Variants in CRYBG3 observed in about 807,000 individuals in gnomAD.
CRYBG3 encodes the protein very large A-kinase anchor protein.
A neutral mutation model predicts 244.2 loss-of-function variants in CRYBG3; 127 were observed. The ratio of observed to expected loss-of-function variants is 0.52; its 90% CI spans 0.45 to 0.60. The LOEUF (loss-of-function observed/expected upper bound fraction) is 0.60, where lower values mean the gene tolerates loss of function less well. CRYBG3 is among the 20% of genes least tolerant of loss of function. The probability of loss-of-function intolerance (pLI) is 0.00; values close to 1 mark genes in which losing one functional copy is unlikely to be tolerated. For missense variants in CRYBG3, 3,325 were observed against 3,442.5 expected (o/e 0.97, Z 0.85); for synonymous variants, 1,132 against 1,195.8 (o/e 0.95, Z 1.10).
chr3:97,873,456 C>T lies in CRYBG3; in HGVS notation c.2262C>T (p.His754=). 6.5e-7 allele frequency: 1 copy of T among 1,535,388 alleles called. No individual in the cohort carries two copies. The highest frequency in any genetic ancestry group is 8.7e-7 in the Non-Finnish European group (1 of 1,146,698). Residue 754 remains histidine, a synonymous_variant, in exon 4 of 22, where the codon CAC becomes CAT. Transcript: ENST00000389622. ...CAGGTTCTGAAGCCAGTGGCCCTCA[C>T]TTAACTGGGTTGGAGCTATTGAGCT... ...VLPGSEASGP[H]LTGLELLSFD...
intron 1 of CRYBG3, among the ~76,000 whole-genome samples, chr3:97,827,773 A>G (rs140888472): frequency 0.027 from 3,401 of 124,298 alleles, 72 homozygotes; most frequent in South Asian, 0.13. Flanking sequence ...CAAGAGGTTC[A>G]GTAGGTAATC....
intron 17 of CRYBG3, among the ~76,000 whole-genome samples, chr3:97,924,883 ATG>A (rs2040021904): frequency 1.3e-5 from 2 of 152,128 alleles, no homozygotes; most frequent in Admixed American, 1.3e-4. Context: ...AAGAATTAGG[ATG>A]TGAACATTTG....
intron 17 of CRYBG3, among the ~76,000 whole-genome samples, chr3:97,925,774 A>T (rs1261190482): frequency 1.3e-5 from 2 of 152,038 alleles, no homozygotes; most frequent in East Asian, 1.9e-4. Context: ...CAAATATAGT[A>T]AAATTAAAAT....
chr3:97,840,828 C>T (rs1257411698), intron 1 of CRYBG3: 1 of 152,042 alleles, frequency 6.6e-6, no homozygotes, highest in Non-Finnish European at 1.5e-5. Context: ...AGAGAATTCA[C>T]TTGTCAAGGT....
intron 17 of CRYBG3, among the ~76,000 whole-genome samples, chr3:97,921,501 C>A (rs1019887977): frequency 6.6e-5 from 10 of 152,118 alleles, no homozygotes; most frequent in Non-Finnish European, 1.5e-4. Context: ...GTATAAAGTT[C>A]ATTCTTCTAC....
Position 97,825,424 on chromosome 3 carries a change from G to A in CRYBG3, c.149+3069G>A, listed in dbSNP as rs150024736. 5.9e-5 allele frequency among the ~76,000 whole-genome samples: 9 copies of A among 152,302 alleles called. 1 individual carries two copies. Among genetic ancestry groups the A allele is most frequent in the African/African-American group, 2.2e-4 (9 of 41,566 alleles). Reference sequence around the variant, plus strand: ...ACAGTATTTATCAAGGGCTGACTGTGCACTTACTTCTGGGCTGGGTACTTT... The same window carrying A: ...ACAGTATTTATCAAGGGCTGACTGTACACTTACTTCTGGGCTGGGTACTTT... On this transcript the variant is annotated intron_variant, in intron 1 of 21. Coordinates refer to ENST00000389622, the MANE Select transcript of CRYBG3 (RefSeq NM_153605.4).
In CRYBG3 at chr3:97,877,894, A is replaced by G. The variant is rs1163041184; in HGVS notation, c.6700A>G (p.Lys2234Glu). 3.1e-6 allele frequency: 5 copies of G among 1,614,028 alleles called. No individual in the cohort carries two copies. The highest frequency in any genetic ancestry group is 1.3e-5 in the African/African-American group (1 of 74,930). The change falls in exon 4 of 22, where the codon AAG becomes GAG. Residue 2234 changes from lysine to glutamate, a missense_variant. Physicochemically the swap from Lys to Glu is moderately conservative, Grantham distance 56. This residue lies in a region of CRYBG3 where 450 missense variants were observed against 424.1 expected (regional missense o/e 1.06). Coordinates refer to ENST00000389622, the MANE Select transcript of CRYBG3 (RefSeq NM_153605.4). Reference sequence around the variant, plus strand: ...TACTTCTAAACTACATTCTTCTTTAAAGAGTGCTTATCATCAGTATCTGCA... The same window carrying G: ...TACTTCTAAACTACATTCTTCTTTAGAGAGTGCTTATCATCAGTATCTGCA... Reference protein sequence around the residue: ...DLTSKLHSSLKSAYHQYLQTS... With the variant: ...DLTSKLHSSLESAYHQYLQTS...
intron 19 of CRYBG3, among the ~76,000 whole-genome samples, chr3:97,940,147 T>C (rs1471649375): frequency 6.6e-6 from 1 of 152,040 alleles, no homozygotes; most frequent in Non-Finnish European, 1.5e-5. Flanking sequence ...TGTCATTTAT[T>C]ACATTAAGGC....
intron 17 of CRYBG3, among the ~76,000 whole-genome samples, chr3:97,918,313 A>G (rs1376241684): frequency 6.6e-6 from 1 of 152,180 alleles, no homozygotes; most frequent in Non-Finnish European, 1.5e-5. Flanking sequence ...GGTACAGGTG[A>G]AGGTTACATT....
intron 16 of CRYBG3, among the ~76,000 whole-genome samples, chr3:97,913,886 A>T (rs142305859): frequency 2.2e-4 from 33 of 152,326 alleles, no homozygotes; most frequent in South Asian, 1.7e-3. Context: ...ATTAGCTGGT[A>T]GTGAGTAGAT....
Position 97,877,702 on chromosome 3 carries a change from C to T in CRYBG3, c.6508C>T (p.Arg2170Cys), listed in dbSNP as rs773750813. The change falls in exon 4 of 22, where the codon CGT becomes TGT. Residue 2170 changes from arginine to cysteine, a missense_variant. By Grantham distance (180) the Arg-to-Cys change is radical. Coordinates refer to ENST00000389622, the MANE Select transcript of CRYBG3 (RefSeq NM_153605.4). ...KGDLRAGSGE[R>C]VTFQLPDPSI... ...AGATCTGAGAGCTGGAAGTGGGGAG[C>T]GTGTTACCTTCCAGTTGCCAGATCC... is the stretch of plus-strand genomic sequence containing the variant. 11 of 1,613,782 alleles carry T rather than the reference C, an allele frequency of 6.8e-6. No homozygotes were observed. The highest frequency in any genetic ancestry group is 1.6e-4 in the Middle Eastern group (1 of 6,084).
intron 2 of CRYBG3, among the ~76,000 whole-genome samples, chr3:97,856,550 A>ATTAATT (rs1160569041): frequency 6.6e-6 from 1 of 152,216 alleles, no homozygotes; most frequent in Non-Finnish European, 1.5e-5. Context: ...TTATAAAAGT[A>ATTAATT]TTAATTTGGA....
chr3:97,873,929 C>T lies in CRYBG3; in HGVS notation c.2735C>T (p.Ser912Phe), dbSNP rs1212390691. 3 of 1,535,746 alleles carry T rather than the reference C, an allele frequency of 2.0e-6. No individual in the cohort carries two copies. The highest frequency in any genetic ancestry group is 2.6e-6 in the Non-Finnish European group (3 of 1,146,840). Residue 912 changes from serine (S) to phenylalanine (F), a missense_variant, in exon 4 of 22, where the codon TCT becomes TTT. Physicochemically the swap from Ser to Phe is radical, Grantham distance 155. This residue lies in a region of CRYBG3 where 1,526 missense variants were observed against 1,443.2 expected (regional missense o/e 1.06). Transcript: ENST00000389622. Reference sequence around the variant, plus strand: ...AAAGAGAATTGCCAAGCTGAGCTTTCTCCTGCTGCCTCCAAATATGAAGAT... The same window carrying T: ...AAAGAGAATTGCCAAGCTGAGCTTTTTCCTGCTGCCTCCAAATATGAAGAT... ...GLKENCQAEL[S>F]PAASKYEDKP...
chr3:97,944,540 A>G lies in CRYBG3; in HGVS notation c.*1226A>G, dbSNP rs539458392. 22 of 152,508 alleles carry G rather than the reference A, an allele frequency of 1.4e-4. No homozygotes were observed. The highest frequency in any genetic ancestry group is 5.3e-4 in the African/African-American group (22 of 41,538). 9.4% of individuals were successfully genotyped at this position (152,508 alleles called of 1,614,324 possible). On this transcript the variant is annotated 3_prime_UTR_variant, in exon 22 of 22. Transcript: ENST00000389622. ...AATGTAAAATAACAATGACTATTTTAAACTCGAAGACCCACTATTTTGAGT... is the reference window on the plus strand; with the variant it reads ...AATGTAAAATAACAATGACTATTTTGAACTCGAAGACCCACTATTTTGAGT...
At chr3:97,889,514 T>G (rs2039548996) in intron 10 of CRYBG3, 124 bp downstream of exon 10, 2 of 805,664 alleles carry the variant, frequency 2.5e-6, no homozygotes, top group Non-Finnish European at 4.1e-6. Context: ...TAATGGATTT[T>G]GGGGAGGTGG....
Position 97,877,234 on chromosome 3 carries a change from G to A in CRYBG3, c.6040G>A (p.Ala2014Thr). 1 of 1,613,896 alleles carries A rather than the reference G, an allele frequency of 6.2e-7. No individual in the cohort carries two copies. The highest frequency in any genetic ancestry group is 8.5e-7 in the Non-Finnish European group (1 of 1,179,818). Residue 2014 changes from alanine (A) to threonine (T), a missense_variant, in exon 4 of 22, where the codon GCT becomes ACT. Physicochemically the swap from Ala to Thr is moderately conservative, Grantham distance 58. Coordinates refer to ENST00000389622, the MANE Select transcript of CRYBG3 (RefSeq NM_153605.4). ...EEPLQEEDKYASAEARQTQSV... is the reference protein window; with the variant it reads ...EEPLQEEDKYTSAEARQTQSV... ...GCCCCTTCAAGAGGAGGACAAGTAT[G>A]CTTCCGCAGAAGCAAGACAAACACA...
intron 17 of CRYBG3, chr3:97,924,172 A>C (rs987434920): frequency 3.2e-6 from 1 of 317,368 alleles, no homozygotes; most frequent in Non-Finnish European, 6.0e-6. Flanking sequence ...CAGCATTCCA[A>C]TGGAGCTATG....
chr3:97,880,962 G>C (rs983012653), intron 6 of CRYBG3, 110 bp from the exon 7 acceptor site: 8 of 743,734 alleles, frequency 1.1e-5, no homozygotes, highest in Non-Finnish European at 1.4e-5. Flanking sequence ...TGCTAATAGT[G>C]GAAGATATCC....
intron 3 of CRYBG3, among the ~76,000 whole-genome samples, chr3:97,866,342 A>T (rs1416842143): frequency 6.6e-6 from 1 of 152,218 alleles, no homozygotes; most frequent in African/African-American, 2.4e-5. Context: ...TTATAGGAAC[A>T]TATATTTGGA....
Sources: allele counts gnomAD v4.1 joint callset (sites outside exome capture counted in the v4.1 genomes callset), GRCh38; gene constraint gnomAD v4.1.1; regional missense constraint gnomAD v4.1.1; transcripts MANE v1.5; gene names NCBI Gene and HGNC (gene_info 2026-07-23, HGNC 2026-07-21).